WWC2: variants seen among roughly 807,000 people sequenced by gnomAD.
WWC2 encodes the protein WW and C2 domain containing 2, also known as protein WWC2.
In WWC2, 101 loss-of-function variants were observed where a neutral mutation model predicts 138.5. The ratio of observed to expected loss-of-function variants is 0.73; its 90% CI spans 0.62 to 0.86. The LOEUF is 0.86. Ranked by LOEUF, WWC2 falls within the 40% of genes least tolerant of loss-of-function variation. The pLI is 0.00. For missense variants in WWC2, 1,420 were observed against 1,419.4 expected, an observed-to-expected ratio of 1.00 and a Z score of -0.01; for synonymous variants, 558 against 538.4, an observed-to-expected ratio of 1.04 and a Z score of -0.50.
chr4:183,173,870 A>G lies in WWC2; in HGVS notation c.132-19729A>G, dbSNP rs370968763. Among the ~76,000 whole-genome samples, 209 of 152,270 alleles carry G rather than the reference A, an allele frequency of 1.4e-3. 1 individual carries two copies. The highest frequency in any genetic ancestry group is 4.9e-3 in the African/African-American group (203 of 41,546). On this transcript the variant is annotated intron_variant, in intron 1 of 22. Coordinates refer to ENST00000403733, the MANE Select transcript of WWC2 (RefSeq NM_024949.6). ...AGCCTGTCCTACTGAGACAGCTCTC[A>G]GTCATATTTAAGAATGAGGCACAAA...
intron 21 of WWC2, among the ~76,000 whole-genome samples, chr4:183,294,609 A>G (rs1738570459): frequency 6.6e-6 from 1 of 152,266 alleles, no homozygotes; most frequent in Non-Finnish European, 1.5e-5. Context: ...CTAGAGCCAG[A>G]GGCTCCTTCC....
chr4:183,255,948 G>A (rs1737121942), intron 9 of WWC2, among the ~76,000 whole-genome samples: 1 of 150,826 alleles, frequency 6.6e-6, no homozygotes, highest in African/African-American at 2.5e-5. Flanking sequence ...AGGAAGAGGA[G>A]CTATAAGATA....
In WWC2 at chr4:183,103,991, A is replaced by G. The variant is rs188919651; in HGVS notation, c.131+4369A>G. ...TTCTTTTTTTTTGAGACAGAGTCTC[A>G]CATTGTCGCCCAGGCTAGAGTGCAA... On this transcript the variant is annotated intron_variant, in intron 1 of 22. Transcript: ENST00000403733. Among the ~76,000 whole-genome samples, 656 of 151,436 alleles carry G rather than the reference A, an allele frequency of 4.3e-3. 2 individuals are homozygous for G. The highest frequency in any genetic ancestry group is 0.017 in the Middle Eastern group (5 of 294).
At chr4:183,101,655 G>GT (rs1333861636) in intron 1 of WWC2, among the ~76,000 whole-genome samples, 1 of 152,182 alleles carries the variant, frequency 6.6e-6, no homozygotes, top group Non-Finnish European at 1.5e-5. Context: ...ACTAAATAGA[G>GT]TAAGAGCTGA....
At chr4:183,128,341 A>T (rs1196329938) in intron 1 of WWC2, among the ~76,000 whole-genome samples, 1 of 149,440 alleles carries the variant, frequency 6.7e-6, no homozygotes, top group Non-Finnish European at 1.5e-5. Flanking sequence ...TGTCTCAAAG[A>T]AAAAAAAAAG....
intron 2 of WWC2, among the ~76,000 whole-genome samples, chr4:183,201,961 G>C (rs1324688040): frequency 6.6e-6 from 1 of 152,176 alleles, no homozygotes; most frequent in Non-Finnish European, 1.5e-5. Context: ...CTCAAGGGAA[G>C]GGGGCATACT....
intron 1 of WWC2, among the ~76,000 whole-genome samples, chr4:183,155,362 T>G (rs550510395): frequency 6.6e-6 from 1 of 152,134 alleles, no homozygotes; most frequent in South Asian, 2.1e-4. Context: ...AGAAGTAGTT[T>G]GGAAAAGAAG....
chr4:183,210,366 G>A (rs1438525982), intron 4 of WWC2, among the ~76,000 whole-genome samples: 2 of 152,052 alleles, frequency 1.3e-5, no homozygotes, highest in East Asian at 3.9e-4. Context: ...TCTAGAGATG[G>A]AATGTACAAC....
At chr4:183,119,356 C>G (rs1044242623) in intron 1 of WWC2, among the ~76,000 whole-genome samples, 3 of 152,118 alleles carry the variant, frequency 2.0e-5, no homozygotes, top group Admixed American at 2.0e-4. Context: ...ATTAATTCTC[C>G]CACTGAGAAT....
chr4:183,187,359 G>A (rs961168064), intron 1 of WWC2, among the ~76,000 whole-genome samples: 5 of 151,480 alleles, frequency 3.3e-5, no homozygotes, highest in Admixed American at 6.6e-5. Flanking sequence ...TTTGAGACCC[G>A]CCTGGCCAAC....
intron 1 of WWC2, among the ~76,000 whole-genome samples, chr4:183,126,895 A>T (rs1024927822): frequency 7.4e-6 from 1 of 134,306 alleles, no homozygotes. Context: ...TGCCCAGCTA[A>T]TTTTTTTTTT....
chr4:183,190,253 G>A (rs1330919759), intron 1 of WWC2, among the ~76,000 whole-genome samples: 1 of 152,158 alleles, frequency 6.6e-6, no homozygotes, highest in Non-Finnish European at 1.5e-5. Flanking sequence ...ATCAAAGAAA[G>A]CTTGAATGTG....
Position 183,288,198 on chromosome 4 carries a change from G to A in WWC2, c.3142-1195G>A, listed in dbSNP as rs144751613. Among the ~76,000 whole-genome samples, 1,163 of 152,286 alleles carry A rather than the reference G, an allele frequency of 7.6e-3. 7 individuals are homozygous for A. Among genetic ancestry groups the A allele is most frequent in the Admixed American group, 0.012 (186 of 15,290 alleles). On this transcript the variant is annotated intron_variant, in intron 20 of 22. Transcript: ENST00000403733. ...GCAGTATGTACTGGATGTGGAGGAAGAACAGGAGGACACAATAAGAGTGAT... is the reference window on the plus strand; with the variant it reads ...GCAGTATGTACTGGATGTGGAGGAAAAACAGGAGGACACAATAAGAGTGAT...
chr4:183,254,249 G>A (rs1737071949), intron 9 of WWC2, among the ~76,000 whole-genome samples: 1 of 152,174 alleles, frequency 6.6e-6, no homozygotes, highest in Non-Finnish European at 1.5e-5. Flanking sequence ...ATAAAACCAG[G>A]AATGTACATC....
At chr4:183,178,460 G>A (rs1734527364) in intron 1 of WWC2, among the ~76,000 whole-genome samples, 1 of 150,616 alleles carries the variant, frequency 6.6e-6, no homozygotes, top group African/African-American at 2.4e-5. Flanking sequence ...ATACCGGTAA[G>A]TCCTAGCTTA....
At chr4:183,294,014 T>C (rs957421027) in intron 21 of WWC2, among the ~76,000 whole-genome samples, 24 of 152,228 alleles carry the variant, frequency 1.6e-4, no homozygotes, top group Admixed American at 5.9e-4. Flanking sequence ...AATTATACTA[T>C]GATATAATGT....
At chr4:183,241,022 T>C (rs1042420377) in intron 5 of WWC2, among the ~76,000 whole-genome samples, 2 of 152,156 alleles carry the variant, frequency 1.3e-5, no homozygotes, top group African/African-American at 4.8e-5. Flanking sequence ...TCCTGCAGTC[T>C]CCACTCCACA....
chr4:183,127,917 A>C (rs1381977777), intron 1 of WWC2, among the ~76,000 whole-genome samples: 1 of 152,146 alleles, frequency 6.6e-6, no homozygotes. Flanking sequence ...TTTTCCAAGG[A>C]AACTATGAGA....
chr4:183,127,996 C>T (rs1379838066), intron 1 of WWC2, among the ~76,000 whole-genome samples: 1 of 150,040 alleles, frequency 6.7e-6, no homozygotes, highest in African/African-American at 2.5e-5. Context: ...GGTCTTGGGA[C>T]TAGGAGTTCA....
Sources: gnomAD v4.1 joint callset for allele counts (sites outside exome capture counted in the v4.1 genomes callset) on GRCh38, gnomAD v4.1.1 for gene constraint, MANE v1.5 for transcripts, NCBI Gene and HGNC (gene_info 2026-07-23, HGNC 2026-07-21) for gene names.